INSR: variants seen among roughly 807,000 people sequenced by gnomAD.
The protein encoded by INSR is IR.
Under a neutral mutation model 142.6 loss-of-function variants are expected in INSR, and 67 were observed. The ratio of observed to expected loss-of-function variants is 0.47; its 90% CI spans 0.39 to 0.58. The LOEUF is 0.58. Among genes scored for constraint, INSR ranks in the 20% least tolerant of loss-of-function variants. The probability of loss-of-function intolerance (pLI) is 0.00; values close to 1 mark genes in which losing one functional copy is unlikely to be tolerated. For synonymous variants in INSR, 756 were observed against 743.1 expected, an observed-to-expected ratio of 1.02 and a Z score of -0.28; for missense variants, 1,248 against 1,833.2, an observed-to-expected ratio of 0.68 and a Z score of 5.83.
chr19:7,227,448 T>C (rs936744008), intron 2 of INSR, among the ~76,000 whole-genome samples: 2 of 152,080 alleles, frequency 1.3e-5, no homozygotes, highest in Non-Finnish European at 2.9e-5. Context: ...AATTTTTGTA[T>C]TTTTTGTAGA....
chr19:7,224,696 A>G lies in INSR; in HGVS notation c.653-40059T>C, dbSNP rs1975726747. Among the ~76,000 whole-genome samples, 3 of 152,204 alleles carry G rather than the reference A, an allele frequency of 2.0e-5. 1 individual carries two copies. In the South Asian group the frequency reaches 6.2e-4, roughly 32 times the overall value. On this transcript the variant is annotated intron_variant, in intron 2 of 21. Transcript: ENST00000302850. ...GCCGTAAGATGTGCGTCCCGAGGAAATGCACCGTGGTTATAAATACAGCAA... is the reference window on the plus strand; with the variant it reads ...GCCGTAAGATGTGCGTCCCGAGGAAGTGCACCGTGGTTATAAATACAGCAA...
rs772164518 is a variant in INSR, at chr19:7,150,455, C to G, written c.2267+42G>C. 1.2e-6 allele frequency: 2 copies of G among 1,606,788 alleles called. No homozygotes were observed. The highest frequency in any genetic ancestry group is 2.2e-5 in the South Asian group (2 of 90,798). On this transcript the variant is annotated intron_variant, in intron 11 of 21. Transcript: ENST00000302850. This position sits in a 1 kb window ranked among gnomAD's most constrained non-coding sequence, Gnocchi z 4.2. ...GCATCTGCCTGGCACGCCGCCGGCC[C>G]TGCGCGGAGCAGGCACCAGGGGTCG...
chr19:7,123,009 G>T lies in INSR; in HGVS notation c.3259-20C>A, dbSNP rs1305530133. On this transcript the variant is annotated intron_variant, in intron 17 of 21. Transcript: ENST00000302850. Reference sequence around the variant, plus strand: ...GCGCACCTGCAGAGCAAGCAACCAGGGTTCTTGGAGGAGGGTCCGTGATTC... The same window carrying T: ...GCGCACCTGCAGAGCAAGCAACCAGTGTTCTTGGAGGAGGGTCCGTGATTC... 9 of 1,550,862 alleles carry T rather than the reference G, an allele frequency of 5.8e-6. No homozygotes were observed. The highest frequency in any genetic ancestry group is 2.3e-4 in the Middle Eastern group (1 of 4,340).
At chr19:7,291,069 CA>C (rs879380703) in intron 1 of INSR, among the ~76,000 whole-genome samples, 8,697 of 130,216 alleles carry the variant, frequency 0.067, 746 homozygotes, top group African/African-American at 0.22. Context: ...GACTCCGTCT[CA>C]AAAAAAAAAA....
chr19:7,188,260 T>C (rs1262648886), intron 2 of INSR, among the ~76,000 whole-genome samples: 1 of 152,032 alleles, frequency 6.6e-6, no homozygotes, highest in Non-Finnish European at 1.5e-5. Context: ...GAAAATTATC[T>C]TGGGGCTGGG....
At chr19:7,233,837 G>A (rs560333132) in intron 2 of INSR, among the ~76,000 whole-genome samples, 106 of 149,092 alleles carry the variant, frequency 7.1e-4, no homozygotes, top group Admixed American at 1.0e-3. Context: ...CACCACACCC[G>A]GCTAATTTTT....
intron 9 of INSR, among the ~76,000 whole-genome samples, chr19:7,158,366 T>C (rs1002350715): frequency 1.6e-4 from 25 of 152,116 alleles, no homozygotes; most frequent in African/African-American, 5.3e-4. Context: ...CCGGGCGTGG[T>C]GGCGGGCGCC....
intron 1 of INSR, among the ~76,000 whole-genome samples, chr19:7,287,466 A>C (rs977004891): frequency 1.3e-5 from 2 of 152,050 alleles, no homozygotes; most frequent in Non-Finnish European, 2.9e-5. Context: ...CTGGCCCAGA[A>C]GTATTCTTAA....
At chr19:7,259,355 G>A (rs1483689792) in intron 2 of INSR, among the ~76,000 whole-genome samples, 1 of 152,050 alleles carries the variant, frequency 6.6e-6, no homozygotes, top group Non-Finnish European at 1.5e-5. Flanking sequence ...GGCGGAAGGG[G>A]TGGGCGGGGC....
intron 2 of INSR, among the ~76,000 whole-genome samples, chr19:7,261,107 C>T (rs928273657): frequency 3.9e-5 from 6 of 151,936 alleles, no homozygotes; most frequent in Admixed American, 3.3e-4. Flanking sequence ...AGGCTGGTCT[C>T]GAACTCCTGA....
At chr19:7,261,323 C>A (rs530015073) in intron 2 of INSR, among the ~76,000 whole-genome samples, 1 of 152,074 alleles carries the variant, frequency 6.6e-6, no homozygotes, top group African/African-American at 2.4e-5. Context: ...ATGCCCTGAG[C>A]GCCCCAGAAC....
intron 13 of INSR, among the ~76,000 whole-genome samples, chr19:7,137,798 C>CAAAAAAAAAAAA (rs1176523364): frequency 2.4e-5 from 1 of 41,466 alleles, no homozygotes; most frequent in African/African-American, 1.0e-4. Context: ...GACTCCATCT[C>CAAAAAAAAAAAA]AAAAAAAAAA....
intron 3 of INSR, 89 bp from the exon 4 acceptor site, chr19:7,174,820 T>C (rs1568464543): frequency 7.7e-7 from 1 of 1,305,000 alleles, no homozygotes; most frequent in Non-Finnish European, 1.1e-6. Context: ...GGCATCTTTC[T>C]GCCTGATATG....
intron 3 of INSR, among the ~76,000 whole-genome samples, chr19:7,177,633 T>C (rs372296191): frequency 6.4e-4 from 98 of 151,984 alleles, no homozygotes; most frequent in African/African-American, 2.3e-3. Flanking sequence ...GTTCAAGTGA[T>C]TCTCCTGCCT....
At chr19:7,220,461 G>GT (rs1975578485) in intron 2 of INSR, among the ~76,000 whole-genome samples, 1 of 152,148 alleles carries the variant, frequency 6.6e-6, no homozygotes, top group African/African-American at 2.4e-5. Context: ...GCTAATTTTT[G>GT]TATTTTAAGT....
intron 2 of INSR, among the ~76,000 whole-genome samples, chr19:7,240,788 C>T (rs1976315958): frequency 1.3e-5 from 2 of 151,984 alleles, no homozygotes; most frequent in South Asian, 4.1e-4. Flanking sequence ...TTGTTTCCCG[C>T]ACAATATTAC....
chr19:7,135,976 A>AAAAAAAAAAAAAAG (rs60435269), intron 13 of INSR, among the ~76,000 whole-genome samples: 12 of 146,552 alleles, frequency 8.2e-5, no homozygotes, highest in African/African-American at 1.5e-4. Context: ...TCAAAAAAAA[A>AAAAAAAAAAAAAAG]AAAGAAAGAA....
In INSR at chr19:7,119,796, A is replaced by G. The variant is rs1388440890; in HGVS notation, c.3660-213T>C. Among the ~76,000 whole-genome samples, 1 of 150,126 alleles carries G rather than the reference A, an allele frequency of 6.7e-6. No individual in the cohort carries two copies. Among genetic ancestry groups the G allele is most frequent in the South Asian group, 2.1e-4 (1 of 4,742 alleles). On this transcript the variant is annotated intron_variant, in intron 20 of 21. Coordinates refer to ENST00000302850, the MANE Select transcript of INSR (RefSeq NM_000208.4). This position sits in a 1 kb window ranked among gnomAD's most constrained non-coding sequence, Gnocchi z 5.2. ...CGCATGCGCACACATGCACACACAA[A>G]TATGCAAACACACAAACACATATAC...
rs1036048019 is a variant in INSR, at chr19:7,208,063, C to T, written c.653-23426G>A. Among the ~76,000 whole-genome samples, 12 of 152,208 alleles carry T rather than the reference C, an allele frequency of 7.9e-5. No individual in the cohort carries two copies. The East Asian group carries it at 1.2e-3, about 15-fold the overall frequency. ...CCCCTCTTCCAGCCCTTGTACCCCC[C>T]AGAAAACCACCTCGTGTTTGGCTCA... On this transcript the variant is annotated intron_variant, in intron 2 of 21. Transcript: ENST00000302850.
Sources: allele counts gnomAD v4.1 joint callset (sites outside exome capture counted in the v4.1 genomes callset), GRCh38; gene constraint gnomAD v4.1.1; non-coding constraint Gnocchi (gnomAD v3.1); transcripts MANE v1.5; gene names NCBI Gene and HGNC (gene_info 2026-07-23, HGNC 2026-07-21).